Variants in VSIG10 observed in about 807,000 individuals in gnomAD.
VSIG10 encodes V-set and immunoglobulin domain containing 10, also known as V-set and immunoglobulin domain-containing protein 10.
A neutral mutation model predicts 58.7 loss-of-function variants in VSIG10; 48 were observed. The ratio of observed to expected loss-of-function variants is 0.82; its 90% CI spans 0.65 to 1.04. The LOEUF (loss-of-function observed/expected upper bound fraction) is 1.04, where lower values mean the gene tolerates loss of function less well. Ranked by LOEUF, VSIG10 falls within the 50% of genes least tolerant of loss-of-function variation. The pLI, the probability that VSIG10 is intolerant of heterozygous loss-of-function variation, is 0.00. For synonymous variants in VSIG10, 260 were observed against 267.1 expected (o/e 0.97, Z 0.26); for missense variants, 628 against 670.0 (o/e 0.94, Z 0.69).
rs547745446 is a variant in VSIG10, at chr12:118,092,342, G to A, written c.361+3191C>T. ...AGCCTCCCAAAATGCTAGGATTATG[G>A]GCATGAGCCACCGTACCTGGCCTCC... is the stretch of plus-strand genomic sequence containing the variant. On this transcript the variant is annotated intron_variant, in intron 2 of 8. Transcript: ENST00000359236. Among the ~76,000 whole-genome samples, 158 of 152,050 alleles carry A rather than the reference G, an allele frequency of 1.0e-3. No individual in the cohort carries two copies. In the South Asian group the frequency reaches 0.016, roughly 15 times the overall value.
At chr12:118,088,546 C>A (rs1279454353) in intron 2 of VSIG10, among the ~76,000 whole-genome samples, 1 of 152,200 alleles carries the variant, frequency 6.6e-6, no homozygotes, top group African/African-American at 2.4e-5. Flanking sequence ...CGAAATACCA[C>A]TGCCATCCCA....
chr12:118,079,550 AC>A lies in VSIG10; in HGVS notation c.720del (p.Met240IlefsTer20). On this transcript the variant is annotated frameshift_variant, in exon 4 of 9. Transcript: ENST00000359236. LOFTEE classifies it high-confidence loss of function. ...CCATCCCAGCGACAGGTAAGCTGCA[AC>A]ATGAACGATCCTGATGCCATCTGTG... is the stretch of plus-strand genomic sequence containing the variant. Reference protein sequence around the residue: ...CWAQMASGSFMLQLTCRWDGG... With the variant: ...CWAQMASGSFXLQLTCRWDGG... The A allele has an allele frequency of 1.2e-6, 2 of 1,614,046 alleles. No homozygotes were observed. The highest frequency in any genetic ancestry group is 1.7e-6 in the Non-Finnish European group (2 of 1,179,894).
chr12:118,071,549 A>G (rs1165429798), intron 5 of VSIG10, 80 bp from the exon 6 acceptor site: 12 of 1,301,598 alleles, frequency 9.2e-6, no homozygotes, highest in East Asian at 7.0e-5. Flanking sequence ...CTCTGCGTGG[A>G]TCCAGTTCTT....
chr12:118,083,815 CA>C (rs201899956), intron 2 of VSIG10, among the ~76,000 whole-genome samples: 1 of 152,054 alleles, frequency 6.6e-6, no homozygotes, highest in African/African-American at 2.4e-5. Flanking sequence ...CACACCTGGC[CA>C]AAAAAATTTT....
chr12:118,083,416 A>T (rs2033027764), intron 2 of VSIG10, among the ~76,000 whole-genome samples: 1 of 151,924 alleles, frequency 6.6e-6, no homozygotes, highest in Admixed American at 6.6e-5. Flanking sequence ...TGTCTCTACA[A>T]AAAATACCAA....
At position 118,092,175 on chromosome 12, in the gene VSIG10, G is replaced by A. The variant is rs974161004; in HGVS notation, c.361+3358C>T. ...CCAGCTCAAGCGATCCTCCCCACTCGGCCTCCTGAATGGCTGGGACTACAG... is the reference window on the plus strand; with the variant it reads ...CCAGCTCAAGCGATCCTCCCCACTCAGCCTCCTGAATGGCTGGGACTACAG... On this transcript the variant is annotated intron_variant, in intron 2 of 8. Coordinates refer to ENST00000359236, the MANE Select transcript of VSIG10 (RefSeq NM_019086.6). Among the ~76,000 whole-genome samples, 9 of 151,960 alleles carry A rather than the reference G, an allele frequency of 5.9e-5. No individual in the cohort carries two copies. The East Asian group carries it at 9.6e-4, about 16-fold the overall frequency.
intron 4 of VSIG10, among the ~76,000 whole-genome samples, chr12:118,075,455 A>T (rs1391078648): frequency 6.6e-6 from 1 of 152,126 alleles, no homozygotes; most frequent in Non-Finnish European, 1.5e-5. Flanking sequence ...TCCCAGGTTC[A>T]AGTGATTCTC....
intron 5 of VSIG10, among the ~76,000 whole-genome samples, chr12:118,071,895 C>T (rs185140473): frequency 1.3e-3 from 191 of 152,344 alleles, no homozygotes; most frequent in African/African-American, 4.2e-3. Flanking sequence ...AGAGCCCGGG[C>T]GCAGTGGCGC....
At chr12:118,095,969 A>G (rs1232912750) in intron 1 of VSIG10, among the ~76,000 whole-genome samples, 155 bp from the exon 2 acceptor site, 2 of 123,866 alleles carry the variant, frequency 1.6e-5, no homozygotes, top group Non-Finnish European at 3.2e-5. Context: ...TCTGTCGCCC[A>G]GGCTGGAGTG....
chr12:118,075,092 G>A (rs529413099), intron 4 of VSIG10, among the ~76,000 whole-genome samples: 2 of 147,296 alleles, frequency 1.4e-5, no homozygotes, highest in African/African-American at 5.0e-5. Context: ...GTATATATAT[G>A]TATATATGTA....
chr12:118,080,180 AAT>A (rs570020468), intron 3 of VSIG10, among the ~76,000 whole-genome samples: 65 of 146,482 alleles, frequency 4.4e-4, no homozygotes, highest in African/African-American at 1.5e-3. Flanking sequence ...TTTTTTTTTT[AAT>A]AGAGACAGGG....
intron 1 of VSIG10, among the ~76,000 whole-genome samples, chr12:118,101,287 G>A (rs1462181471): frequency 6.6e-6 from 1 of 152,144 alleles, no homozygotes; most frequent in Non-Finnish European, 1.5e-5. Flanking sequence ...AGACATGGAA[G>A]GGGTAGTTCT....
At chr12:118,090,746 G>A (rs957629326) in intron 2 of VSIG10, among the ~76,000 whole-genome samples, 2 of 152,096 alleles carry the variant, frequency 1.3e-5, no homozygotes, top group Non-Finnish European at 2.9e-5. Context: ...TTGATCTCCT[G>A]GGCTCAAGCG....
chr12:118,088,895 T>G (rs939556286), intron 2 of VSIG10, among the ~76,000 whole-genome samples: 1 of 151,972 alleles, frequency 6.6e-6, no homozygotes, highest in Admixed American at 6.6e-5. Flanking sequence ...AGGACTTCCC[T>G]GGAGGGAGTA....
chr12:118,103,753 C>A lies in VSIG10; in HGVS notation c.-82G>T. 1 of 1,314,368 alleles carries A rather than the reference C, an allele frequency of 7.6e-7. No individual in the cohort carries two copies. The highest frequency in any genetic ancestry group is 1.7e-5 in the South Asian group (1 of 59,302). The allele number at this position is 1,314,368 out of a possible 1,614,324, so 81.4% of individuals were successfully genotyped here. A position where few individuals can be genotyped will look rare whatever the true frequency, so the allele number is the denominator to read the frequency against. On this transcript the variant is annotated 5_prime_UTR_variant, in exon 1 of 9. Coordinates refer to ENST00000359236, the MANE Select transcript of VSIG10 (RefSeq NM_019086.6). ...CCCCAGGGCCCCGGGGCCCGGGGTA[C>A]CGAGGGCTCCTCCCAGGTCCTCGGA...
chr12:118,096,350 G>A (rs1437330340), intron 1 of VSIG10, among the ~76,000 whole-genome samples: 4 of 150,652 alleles, frequency 2.7e-5, no homozygotes, highest in East Asian at 2.0e-4. Context: ...AGGCCAAGGC[G>A]GGCGGATCAC....
At position 118,095,658 on chromosome 12, in the gene VSIG10, C is replaced by G. The variant is rs374970355; in HGVS notation, c.236G>C (p.Arg79Pro). 1 of 1,613,916 alleles carries G rather than the reference C, an allele frequency of 6.2e-7. No homozygotes were observed. The highest frequency in any genetic ancestry group is 8.5e-7 in the Non-Finnish European group (1 of 1,179,882). The change falls in exon 2 of 9, where the codon CGC (arginine) becomes CCC (proline). Residue 79 changes from arginine (R) to proline (P), a missense_variant. Coordinates refer to ENST00000359236, the MANE Select transcript of VSIG10 (RefSeq NM_019086.6). ...SNSSLRPAEP[R>P]FSLVDATSLH... ...GGAGGTGGCATCCACTAGAGAGAAGCGAGGCTCAGCTGGCCGGAGGCTAGA... is the reference window on the plus strand; with the variant it reads ...GGAGGTGGCATCCACTAGAGAGAAGGGAGGCTCAGCTGGCCGGAGGCTAGA...
chr12:118,076,725 C>T (rs113471013), intron 4 of VSIG10, among the ~76,000 whole-genome samples: 18 of 151,952 alleles, frequency 1.2e-4, no homozygotes, highest in African/African-American at 2.4e-4. Flanking sequence ...CTGGAGTGAC[C>T]GCTCACTGCA....
intron 8 of VSIG10, among the ~76,000 whole-genome samples, 170 bp downstream of exon 8, chr12:118,068,194 CTTTTTTTTTTTTT>C: frequency 1.0e-5 from 1 of 100,294 alleles, no homozygotes; most frequent in South Asian, 3.6e-4. Context: ...GCTAATTTTT[CTTTTTTTTTTTTT>C]TTTTTTTCGT....
Sources: gnomAD v4.1 joint callset for allele counts (sites outside exome capture counted in the v4.1 genomes callset) on GRCh38, gnomAD v4.1.1 for gene constraint, MANE v1.5 for transcripts, NCBI Gene and HGNC (gene_info 2026-07-23, HGNC 2026-07-21) for gene names.